Variants in VTI1A observed in about 807,000 individuals in gnomAD.
VTI1A encodes vesicle transport through interaction with t-SNAREs 1A.
Under a neutral mutation model 34.9 loss-of-function variants are expected in VTI1A, and 22 were observed. That is an observed-to-expected ratio of 0.63 (90% CI 0.45 to 0.90). The LOEUF (loss-of-function observed/expected upper bound fraction) is 0.90. Ranked by LOEUF, VTI1A falls within the 40% of genes least tolerant of loss-of-function variation. The probability of loss-of-function intolerance (pLI) is 0.00; values close to 1 mark genes in which losing one functional copy is unlikely to be tolerated. For synonymous variants in VTI1A, 87 were observed against 97.3 expected, an observed-to-expected ratio of 0.89 and a Z score of 0.62; for missense variants, 268 against 275.6, an observed-to-expected ratio of 0.97 and a Z score of 0.20.
chr10:112,498,041 T>A (rs1849090228), intron 3 of VTI1A, among the ~76,000 whole-genome samples: 1 of 152,178 alleles, frequency 6.6e-6, no homozygotes, highest in Non-Finnish European at 1.5e-5. Flanking sequence ...CCTAAATAAT[T>A]TTCATTATGA....
intron 3 of VTI1A, among the ~76,000 whole-genome samples, chr10:112,465,492 T>G (rs898703774): frequency 6.6e-6 from 1 of 152,168 alleles, no homozygotes; most frequent in Non-Finnish European, 1.5e-5. Flanking sequence ...ATACACAAAA[T>G]GTGGTATATC....
intron 5 of VTI1A, among the ~76,000 whole-genome samples, chr10:112,546,722 G>A (rs1025617712): frequency 2.0e-5 from 3 of 151,534 alleles, no homozygotes; most frequent in Non-Finnish European, 4.4e-5. Flanking sequence ...TGCATATCTT[G>A]TTTCATTAGG....
At chr10:112,701,907 T>C (rs1849021581) in intron 7 of VTI1A, among the ~76,000 whole-genome samples, 1 of 152,198 alleles carries the variant, frequency 6.6e-6, no homozygotes, top group African/African-American at 2.4e-5. Context: ...GTTACAAATA[T>C]CACTGTATGA....
In VTI1A at chr10:112,517,948, A is replaced by C. The variant is rs149833294; in HGVS notation, c.265-9139A>C. ...TCTGAAAAAAAGGATGACTTTAATT[A>C]ATAATAATGAATAATTTATTAATTG... On this transcript the variant is annotated intron_variant, in intron 3 of 7. Transcript: ENST00000393077. Among the ~76,000 whole-genome samples, 377 of 152,244 alleles carry C rather than the reference A, an allele frequency of 2.5e-3. 2 individuals are homozygous for C. Among genetic ancestry groups the C allele is most frequent in the African/African-American group, 8.9e-3 (370 of 41,564 alleles).
chr10:112,580,126 G>A (rs1222185741), intron 5 of VTI1A, among the ~76,000 whole-genome samples: 3 of 152,176 alleles, frequency 2.0e-5, no homozygotes, highest in African/African-American at 7.2e-5. Context: ...GGGTAGTGAT[G>A]CCAGCATGAA....
chr10:112,744,800 G>A (rs1001348805), intron 7 of VTI1A, among the ~76,000 whole-genome samples: 1 of 152,012 alleles, frequency 6.6e-6, no homozygotes, highest in Non-Finnish European at 1.5e-5. Flanking sequence ...CCTCCCTGTC[G>A]GAGCTCTTAC....
intron 7 of VTI1A, among the ~76,000 whole-genome samples, chr10:112,699,651 T>A (rs1434209658): frequency 6.6e-6 from 1 of 150,766 alleles, no homozygotes; most frequent in Non-Finnish European, 1.5e-5. Flanking sequence ...GCCAACATGG[T>A]GAAACCCCGT....
At chr10:112,523,360 C>G (rs1354633251) in intron 3 of VTI1A, among the ~76,000 whole-genome samples, 2 of 152,042 alleles carry the variant, frequency 1.3e-5, no homozygotes, top group African/African-American at 4.8e-5. Flanking sequence ...CTTGTGTCAT[C>G]AGTTTAAAAT....
At chr10:112,725,664 A>G (rs1016128234) in intron 7 of VTI1A, among the ~76,000 whole-genome samples, 9 of 152,236 alleles carry the variant, frequency 5.9e-5, no homozygotes, top group Non-Finnish European at 1.3e-4. Context: ...AAAGCTTACT[A>G]TCATCAACTA....
chr10:112,519,090 C>T (rs1449701977), intron 3 of VTI1A, among the ~76,000 whole-genome samples: 2 of 152,018 alleles, frequency 1.3e-5, no homozygotes, highest in South Asian at 2.1e-4. Context: ...CACTATAACA[C>T]AGCATAGTCT....
intron 7 of VTI1A, among the ~76,000 whole-genome samples, chr10:112,729,759 C>A (rs1850181795): frequency 6.6e-6 from 1 of 152,144 alleles, no homozygotes; most frequent in Non-Finnish European, 1.5e-5. Context: ...GTCAGGTGGG[C>A]ACTCCATTTT....
chr10:112,455,431 T>C (rs111218106), intron 1 of VTI1A, among the ~76,000 whole-genome samples: 39 of 438 alleles, frequency 0.089, 8 homozygotes, highest in South Asian at 0.38. Flanking sequence ...CCCCTTCCCT[T>C]CTTCCCTCCT....
chr10:112,631,129 CAAAAA>C (rs545985584), intron 5 of VTI1A, among the ~76,000 whole-genome samples: 9 of 138,800 alleles, frequency 6.5e-5, no homozygotes, highest in Non-Finnish European at 1.3e-4. Flanking sequence ...AACTCTGTCT[CAAAAA>C]AAAAAAGCAG....
intron 5 of VTI1A, among the ~76,000 whole-genome samples, chr10:112,661,462 C>G (rs2133821855): frequency 6.6e-6 from 1 of 152,210 alleles, no homozygotes; most frequent in Middle Eastern, 3.4e-3. Flanking sequence ...GTTCATCATT[C>G]TTTCTTGTAC....
chr10:112,635,393 C>T (rs1846316142), intron 5 of VTI1A, among the ~76,000 whole-genome samples: 1 of 152,080 alleles, frequency 6.6e-6, no homozygotes, highest in Non-Finnish European at 1.5e-5. Context: ...CAGGGAACCG[C>T]AAGGGTCAAA....
intron 7 of VTI1A, among the ~76,000 whole-genome samples, chr10:112,709,916 C>A (rs1327916489): frequency 6.7e-6 from 1 of 148,604 alleles, no homozygotes; most frequent in African/African-American, 2.5e-5. Flanking sequence ...GTCTCGAACT[C>A]CTGAGCTCAA....
chr10:112,506,129 A>G (rs1281282367), intron 3 of VTI1A, among the ~76,000 whole-genome samples: 1 of 152,084 alleles, frequency 6.6e-6, no homozygotes, highest in African/African-American at 2.4e-5. Context: ...ACAAACCTAG[A>G]TGGTCTAGCC....
chr10:112,453,218 A>G (rs770244363), intron 1 of VTI1A, among the ~76,000 whole-genome samples: 3 of 152,176 alleles, frequency 2.0e-5, no homozygotes, highest in Non-Finnish European at 2.9e-5. Context: ...GTAAAGCATC[A>G]TTTTCACCAC....
the VTI1A span, among the ~76,000 whole-genome samples, chr10:112,839,037 G>C: frequency 6.6e-6 from 1 of 152,140 alleles, no homozygotes; most frequent in Non-Finnish European, 1.5e-5. Flanking sequence ...CCCAAGGAGG[G>C]GGCCATGGGC....
Sources: gnomAD v4.1 joint callset for allele counts (sites outside exome capture counted in the v4.1 genomes callset) on GRCh38, gnomAD v4.1.1 for gene constraint, MANE v1.5 for transcripts, NCBI Gene and HGNC (gene_info 2026-07-23, HGNC 2026-07-21) for gene names.